LDB2: variants seen among roughly 807,000 people sequenced by gnomAD.
LDB2 encodes LIM domain binding 2.
LDB2 carries 12 observed loss-of-function variants against 44.3 expected under a neutral mutation model. The observed-to-expected ratio is 0.27, with a 90% CI of 0.17 to 0.44. LDB2 has a LOEUF of 0.44. Among genes scored for constraint, LDB2 ranks in the 20% least tolerant of loss-of-function variants. The pLI is 1.00. For missense variants in LDB2, 344 were observed against 473.5 expected (o/e 0.73, Z 2.54); for synonymous variants, 164 against 174.8 (o/e 0.94, Z 0.49).
chr4:16,540,850 CT>C (rs1478206066), intron 5 of LDB2, among the ~76,000 whole-genome samples: 2 of 152,072 alleles, frequency 1.3e-5, no homozygotes, highest in Non-Finnish European at 2.9e-5. Context: ...TCTTTGACAA[CT>C]TTTTTATCTT....
In LDB2 at chr4:16,515,022, C is replaced by T. The variant is rs149943401; in HGVS notation, c.616-2918G>A. ...GCAGTACCACTCACAATAGCGAAGA[C>T]GTGGAATCAACCCAAGTGCCCATCA... On this transcript the variant is annotated intron_variant, in intron 5 of 7. Transcript: ENST00000304523. 1.1e-4 allele frequency among the ~76,000 whole-genome samples: 17 copies of T among 152,192 alleles called. No individual in the cohort carries two copies. The East Asian group carries it at 1.5e-3, about 14-fold the overall frequency.
intron 5 of LDB2, among the ~76,000 whole-genome samples, chr4:16,523,248 AT>A (rs939492657): frequency 2.0e-4 from 30 of 152,050 alleles, no homozygotes; most frequent in East Asian, 3.9e-4. Flanking sequence ...TATATATACC[AT>A]TTTTTTTAAC....
chr4:16,690,622 T>C (rs1750522749), intron 2 of LDB2, among the ~76,000 whole-genome samples: 1 of 151,716 alleles, frequency 6.6e-6, no homozygotes, highest in South Asian at 2.1e-4. Flanking sequence ...TATGGTTTTT[T>C]ATACCTGCTC....
In LDB2 at chr4:16,843,315, G is replaced by C. The variant is rs183621512; in HGVS notation, c.132+55039C>G. 3.4e-4 allele frequency among the ~76,000 whole-genome samples: 52 copies of C among 152,306 alleles called. 1 individual carries two copies. The highest frequency in any genetic ancestry group is 3.4e-3 in the Middle Eastern group (1 of 294). The stretch of plus-strand genomic sequence containing the variant: ...GCATACTGGATTATTTCCTAAGAAG[G>C]CATTTTCTCTGTGTATGCTTCTTAA... On this transcript the variant is annotated intron_variant, in intron 1 of 7. Coordinates refer to ENST00000304523, the MANE Select transcript of LDB2 (RefSeq NM_001290.5).
chr4:16,757,365 C>A (rs1455231549), intron 2 of LDB2, among the ~76,000 whole-genome samples: 1 of 152,074 alleles, frequency 6.6e-6, no homozygotes, highest in Non-Finnish European at 1.5e-5. Context: ...CTCGGAGAAA[C>A]AAAGAGGCCT....
chr4:16,632,514 A>G (rs1732259354), intron 2 of LDB2, among the ~76,000 whole-genome samples: 1 of 152,222 alleles, frequency 6.6e-6, no homozygotes, highest in Admixed American at 6.5e-5. Flanking sequence ...CCTTTTGAAA[A>G]CCAGCACAAG....
chr4:16,770,453 C>T (rs1770408425), intron 1 of LDB2, among the ~76,000 whole-genome samples: 2 of 152,134 alleles, frequency 1.3e-5, no homozygotes, highest in African/African-American at 4.8e-5. Context: ...TCTTTGATGA[C>T]TGAATCAGTG....
intron 1 of LDB2, among the ~76,000 whole-genome samples, chr4:16,807,147 T>C (rs2109809658): frequency 6.6e-6 from 1 of 152,316 alleles, no homozygotes; most frequent in East Asian, 1.9e-4. Context: ...CTAAGATATA[T>C]GTATAATTTC....
chr4:16,576,378 T>A (rs894054189), intron 5 of LDB2, among the ~76,000 whole-genome samples: 5 of 151,274 alleles, frequency 3.3e-5, no homozygotes, highest in African/African-American at 1.2e-4. Context: ...ACCAAATAAA[T>A]AAAATCATAG....
At chr4:16,861,785 G>A (rs963264068) in intron 1 of LDB2, among the ~76,000 whole-genome samples, 7 of 152,170 alleles carry the variant, frequency 4.6e-5, no homozygotes, top group African/African-American at 1.4e-4. Context: ...ACTACGCCTT[G>A]CCAGTCCTCC....
At chr4:16,567,381 TGTGCGC>T (rs1358893795) in intron 5 of LDB2, among the ~76,000 whole-genome samples, 2 of 59,474 alleles carry the variant, frequency 3.4e-5, no homozygotes, top group Non-Finnish European at 1.1e-4. Context: ...TGTGTGTGTG[TGTGCGC>T]GTGTGTGCAT....
chr4:16,680,269 A>C (rs1430203765), intron 2 of LDB2, among the ~76,000 whole-genome samples: 3 of 152,188 alleles, frequency 2.0e-5, no homozygotes, highest in Non-Finnish European at 2.9e-5. Flanking sequence ...CAGTTGTTTA[A>C]ATCACCCAGT....
intron 5 of LDB2, among the ~76,000 whole-genome samples, chr4:16,576,431 A>C (rs1434932861): frequency 2.0e-5 from 3 of 152,174 alleles, no homozygotes; most frequent in African/African-American, 7.2e-5. Context: ...GAAATTTAAA[A>C]GGTCCTTAAT....
chr4:16,536,687 T>C (rs79298532), intron 5 of LDB2, among the ~76,000 whole-genome samples: 1,712 of 152,266 alleles, frequency 0.011, 28 homozygotes, highest in African/African-American at 0.036. Flanking sequence ...ATCACATGAC[T>C]CAGGTGGGTC....
chr4:16,886,771 A>G (rs1561541817), intron 1 of LDB2, among the ~76,000 whole-genome samples: 1 of 152,028 alleles, frequency 6.6e-6, no homozygotes, highest in Non-Finnish European at 1.5e-5. Flanking sequence ...GGTGGCTCAC[A>G]CCTGTAATCC....
In LDB2 at chr4:16,540,511, C is replaced by CAACA. The variant is rs146244229; in HGVS notation, c.616-28411_616-28408dup. Among the ~76,000 whole-genome samples the CAACA allele has an allele frequency of 7.6e-3, 1,150 of 152,234 alleles. 20 individuals are homozygous for CAACA. The highest frequency in any genetic ancestry group is 0.026 in the African/African-American group (1,100 of 41,530). On this transcript the variant is annotated intron_variant, in intron 5 of 7. Coordinates refer to ENST00000304523, the MANE Select transcript of LDB2 (RefSeq NM_001290.5). Reference sequence around the variant, plus strand: ...CTACCTGTCTTTGTATTTTATTTCCCAACAACTGTCCCTTTCCAATTCATT... The same window carrying CAACA: ...CTACCTGTCTTTGTATTTTATTTCCCAACAAACAACTGTCCCTTTCCAATTCATT...
intron 1 of LDB2, among the ~76,000 whole-genome samples, chr4:16,790,596 G>C (rs954615479): frequency 1.3e-5 from 2 of 151,762 alleles, no homozygotes; most frequent in Non-Finnish European, 2.9e-5. Flanking sequence ...ATCACCTAAG[G>C]ATGCGTTTTT....
intron 5 of LDB2, among the ~76,000 whole-genome samples, chr4:16,564,930 C>T (rs924635140): frequency 3.3e-5 from 5 of 152,178 alleles, no homozygotes; most frequent in Non-Finnish European, 7.3e-5. Context: ...ACACTCAACA[C>T]TGACAATGAC....
intron 2 of LDB2, among the ~76,000 whole-genome samples, chr4:16,697,848 A>G (rs1161528356): frequency 6.6e-6 from 1 of 152,198 alleles, no homozygotes; most frequent in African/African-American, 2.4e-5. Flanking sequence ...TATGTAAGTC[A>G]GATTGATTTA....
Sources: allele counts gnomAD v4.1 joint callset (sites outside exome capture counted in the v4.1 genomes callset), GRCh38; gene constraint gnomAD v4.1.1; transcripts MANE v1.5; gene names NCBI Gene and HGNC (gene_info 2026-07-23, HGNC 2026-07-21).